PROS1: variants seen among roughly 807,000 people sequenced by gnomAD.
The protein encoded by PROS1 is vitamin K-dependent protein S.
In PROS1, 29 loss-of-function variants were observed where a neutral mutation model predicts 75.9. The observed-to-expected ratio is 0.38, with a 90% CI of 0.28 to 0.52. The LOEUF (loss-of-function observed/expected upper bound fraction) is 0.52, where lower values mean the gene tolerates loss of function less well. Among genes scored for constraint, PROS1 ranks in the 20% least tolerant of loss-of-function variants. The pLI is 0.83. For synonymous variants in PROS1, 245 were observed against 280.6 expected (o/e 0.87, Z 1.27); for missense variants, 680 against 810.3 (o/e 0.84, Z 1.95).
chr3:93,931,224 G>A (rs1459359947), intron 1 of PROS1, among the ~76,000 whole-genome samples: 2 of 152,124 alleles, frequency 1.3e-5, no homozygotes, highest in Non-Finnish European at 2.9e-5. Flanking sequence ...TGTGCTAATG[G>A]AATTCAAATA....
At chr3:93,879,851 C>T (rs1708250467) in intron 12 of PROS1, among the ~76,000 whole-genome samples, 1 of 152,144 alleles carries the variant, frequency 6.6e-6, no homozygotes, top group Admixed American at 6.6e-5. Context: ...TTGTGAATCT[C>T]TTGTCATAAT....
At chr3:93,890,914 T>G (rs1708422604) in intron 10 of PROS1, among the ~76,000 whole-genome samples, 2 of 152,092 alleles carry the variant, frequency 1.3e-5, no homozygotes, top group South Asian at 4.1e-4. Context: ...AGGACCAGCC[T>G]GGCCAACATG....
At chr3:93,911,338 C>A (rs1219507611) in intron 3 of PROS1, among the ~76,000 whole-genome samples, 1 of 152,082 alleles carries the variant, frequency 6.6e-6, no homozygotes, top group Admixed American at 6.5e-5. Context: ...GTGACTTTAA[C>A]GTAACTAGGA....
rs62998164 is a variant in PROS1 at position 93,971,355 on chromosome 3, CTAAATAAATAAATAAATAAATAAA to C, written c.76+2295_76+2318del. Among the ~76,000 whole-genome samples the C allele has an allele frequency of 1.9e-4, 26 of 136,878 alleles. No homozygotes were observed. In the South Asian group the frequency reaches 3.9e-3, roughly 21 times the overall value. 89.8% of individuals were successfully genotyped at this position (136,878 alleles called of 152,430 possible). On this transcript the variant is annotated intron_variant, in intron 1 of 14. Coordinates refer to ENST00000394236, the MANE Select transcript of PROS1 (RefSeq NM_000313.4). ...TGGGCAACAGAGCAAGACTCCATCT[CTAAATAAATAAATAAATAAATAAA>C]TAAATAAATAAATAAATAAATAATT...
intron 1 of PROS1, among the ~76,000 whole-genome samples, chr3:93,951,717 A>G (rs1709500715): frequency 6.6e-6 from 1 of 152,202 alleles, no homozygotes. Flanking sequence ...TTAACATCAT[A>G]ATGAAACATA....
chr3:93,906,571 G>T (rs1324257920), intron 4 of PROS1, among the ~76,000 whole-genome samples: 1 of 152,192 alleles, frequency 6.6e-6, no homozygotes, highest in Non-Finnish European at 1.5e-5. Context: ...GATCTTAGAG[G>T]CATGGCCAGG....
At chr3:93,917,846 G>A (rs1237705096) in intron 3 of PROS1, among the ~76,000 whole-genome samples, 5 of 152,200 alleles carry the variant, frequency 3.3e-5, no homozygotes. Flanking sequence ...GGGACCTGCA[G>A]CCCACCATGC....
chr3:93,897,041 C>T (rs1204706114), intron 8 of PROS1, among the ~76,000 whole-genome samples: 1 of 152,046 alleles, frequency 6.6e-6, no homozygotes, highest in Non-Finnish European at 1.5e-5. Context: ...TATATTATCT[C>T]CCATGAATTA....
chr3:93,931,251 C>T (rs1238079988), intron 1 of PROS1, among the ~76,000 whole-genome samples: 1 of 152,130 alleles, frequency 6.6e-6, no homozygotes, highest in Non-Finnish European at 1.5e-5. Flanking sequence ...TCCCCTTAGC[C>T]CAGTGCTCTT....
chr3:93,923,350 GC>G (rs745942012), intron 3 of PROS1, among the ~76,000 whole-genome samples: 1 of 152,018 alleles, frequency 6.6e-6, no homozygotes, highest in Non-Finnish European at 1.5e-5. Context: ...TATTGTGCGT[GC>G]AAAAATGCAG....
At chr3:93,908,008 C>T (rs1214842268) in intron 4 of PROS1, among the ~76,000 whole-genome samples, 2 of 152,112 alleles carry the variant, frequency 1.3e-5, no homozygotes, top group Admixed American at 6.5e-5. Flanking sequence ...CTTAGCGGGG[C>T]GTGGTGGCAC....
At chr3:93,938,840 T>G (rs1247809775) in intron 1 of PROS1, among the ~76,000 whole-genome samples, 3 of 152,114 alleles carry the variant, frequency 2.0e-5, no homozygotes, top group Admixed American at 6.5e-5. Flanking sequence ...TGTTGCCTGA[T>G]CACCATGGGG....
intron 1 of PROS1, among the ~76,000 whole-genome samples, chr3:93,946,713 A>T (rs1287411418): frequency 1.3e-5 from 2 of 151,974 alleles, no homozygotes; most frequent in Non-Finnish European, 2.9e-5. Flanking sequence ...CTAGAAGAAA[A>T]CCTAAGGAAT....
chr3:93,933,383 T>C (rs531544012), intron 1 of PROS1, among the ~76,000 whole-genome samples: 115 of 152,134 alleles, frequency 7.6e-4, no homozygotes, highest in African/African-American at 2.7e-3. Context: ...GAAACCAGCC[T>C]GGGCATCATA....
chr3:93,939,584 C>T (rs756763165), intron 1 of PROS1, among the ~76,000 whole-genome samples: 122 of 152,238 alleles, frequency 8.0e-4, no homozygotes, highest in Non-Finnish European at 1.5e-3. Flanking sequence ...CCCACCTGCC[C>T]AACAATTTCC....
chr3:93,906,154 T>G lies in PROS1; in HGVS notation c.347-11A>C. 1 of 1,612,264 alleles carries G rather than the reference T, an allele frequency of 6.2e-7. No homozygotes were observed. Among genetic ancestry groups the G allele is most frequent in the Non-Finnish European group, 8.5e-7 (1 of 1,179,430 alleles). On this transcript the variant is annotated splice_polypyrimidine_tract_variant and intron_variant, in intron 4 of 14. Coordinates refer to ENST00000394236, the MANE Select transcript of PROS1 (RefSeq NM_000313.4). ...ACTGGTCTGGAATGGCTGAAGGAAA[T>G]AGACATCTATTTATTTTTTTTATCT... is the stretch of plus-strand genomic sequence containing the variant.
At chr3:93,903,795 A>G (rs962311591) in intron 6 of PROS1, among the ~76,000 whole-genome samples, 1 of 151,922 alleles carries the variant, frequency 6.6e-6, no homozygotes, top group African/African-American at 2.4e-5. Context: ...TTTTTCTATC[A>G]CTCATGTCCT....
At chr3:93,874,467 G>T in intron 14 of PROS1, 62 bp from the exon 15 acceptor site, 1 of 1,589,816 alleles carries the variant, frequency 6.3e-7, no homozygotes, top group Admixed American at 1.7e-5. Flanking sequence ...TGTTTACAGT[G>T]AGAGAAGTCA....
At chr3:93,923,602 T>G (rs553586837) in intron 3 of PROS1, among the ~76,000 whole-genome samples, 28 of 152,258 alleles carry the variant, frequency 1.8e-4, no homozygotes, top group African/African-American at 5.8e-4. Flanking sequence ...ACTGCCCTTT[T>G]AAAATACAGC....
Sources: allele counts gnomAD v4.1 joint callset (sites outside exome capture counted in the v4.1 genomes callset), GRCh38; gene constraint gnomAD v4.1.1; transcripts MANE v1.5; gene names NCBI Gene and HGNC (gene_info 2026-07-23, HGNC 2026-07-21).